The following C8orf74 variants were observed in gnomAD, a reference collection of about 807,000 sequenced individuals.
C8orf74 encodes uncharacterized protein C8orf74.
Under a neutral mutation model 22.2 loss-of-function variants are expected in C8orf74, and 29 were observed. That is an observed-to-expected ratio of 1.31 (90% CI 0.97 to 1.78). The LOEUF (loss-of-function observed/expected upper bound fraction) is 1.78. C8orf74 is among the 40% of genes most tolerant of loss of function. The pLI is 0.00. For synonymous variants in C8orf74, 255 were observed against 163.1 expected (o/e 1.56, Z -4.30); for missense variants, 515 against 369.9 (o/e 1.39, Z -3.22).
intron 2 of C8orf74, among the ~76,000 whole-genome samples, chr8:10,678,955 G>A (rs1164197709): frequency 6.6e-6 from 1 of 152,198 alleles, no homozygotes; most frequent in East Asian, 1.9e-4. Flanking sequence ...AACAAGCCCT[G>A]CAGTCCCCCA....
chr8:10,700,480 G>A lies in C8orf74; in HGVS notation c.*9G>A, dbSNP rs753584865. 1.0e-5 allele frequency: 15 copies of A among 1,505,632 alleles called. No homozygotes were observed. The East Asian group carries it at 1.7e-4, about 17-fold the overall frequency. The allele number at this position is 1,505,632 out of a possible 1,614,324, so 93.3% of individuals were successfully genotyped here. A position where few individuals can be genotyped will look rare whatever the true frequency, so the allele number is the denominator to read the frequency against. On this transcript the variant is annotated 3_prime_UTR_variant, in exon 4 of 4. Coordinates refer to ENST00000304519, the MANE Select transcript of C8orf74 (RefSeq NM_001040032.2). ...CGAAGGCAAGGAAGTAGAAGGTCCC[G>A]ACTGCCACACGAGACTGACTGGGGA... is the stretch of plus-strand genomic sequence containing the variant.
At chr8:10,686,150 C>G (rs1799258125) in intron 2 of C8orf74, among the ~76,000 whole-genome samples, 1 of 152,126 alleles carries the variant, frequency 6.6e-6, no homozygotes, top group African/African-American at 2.4e-5. Flanking sequence ...AAATTTAAAT[C>G]TAAGAATGCT....
intron 2 of C8orf74, among the ~76,000 whole-genome samples, chr8:10,685,453 A>T (rs911144520): frequency 6.6e-6 from 1 of 152,258 alleles, no homozygotes; most frequent in African/African-American, 2.4e-5. Flanking sequence ...ATGGAATATC[A>T]TTCAGCCTTA....
At chr8:10,698,838 T>A (rs1029770121) in intron 3 of C8orf74, among the ~76,000 whole-genome samples, 8 of 151,136 alleles carry the variant, frequency 5.3e-5, no homozygotes, top group Non-Finnish European at 8.8e-5. Context: ...GGATTTTGAT[T>A]TCTGAATCAT....
At chr8:10,688,453 AT>A (rs1379991130) in intron 2 of C8orf74, 1 of 152,240 alleles carries the variant, frequency 6.6e-6, no homozygotes, top group African/African-American at 2.4e-5. Flanking sequence ...GTCTGTGCTC[AT>A]ACCAGACATA....
Position 10,697,655 on chromosome 8 carries a change from G to A in C8orf74, c.298G>A (p.Gly100Ser). ...ILGNKLRDYR[G>S]HFNTTHLLAL... ...GGGGAACAAGCTTAGAGATTACCGG[G>A]GCCATTTCAACACCACCCACCTGCT... The change falls in exon 3 of 4, where the codon GGC (glycine) becomes AGC (serine). Residue 100 changes from glycine to serine, a missense_variant. By Grantham distance (56) the Gly-to-Ser change is moderately conservative. Transcript: ENST00000304519. 1 of 1,613,904 alleles carries A rather than the reference G, an allele frequency of 6.2e-7. No individual in the cohort carries two copies. Among genetic ancestry groups the A allele is most frequent in the Non-Finnish European group, 8.5e-7 (1 of 1,179,854 alleles).
chr8:10,693,526 C>A (rs1280083784), intron 2 of C8orf74, among the ~76,000 whole-genome samples: 3 of 152,186 alleles, frequency 2.0e-5, no homozygotes, highest in Non-Finnish European at 4.4e-5. Context: ...CATATTAGAG[C>A]TGGTTCACTT....
At position 10,698,053 on chromosome 8, in the gene C8orf74, A is replaced by G. The variant is rs987979367; in HGVS notation, c.648+48A>G. On this transcript the variant is annotated intron_variant, in intron 3 of 3. Coordinates refer to ENST00000304519, the MANE Select transcript of C8orf74 (RefSeq NM_001040032.2). ...TGGGTGGGCACCTGGGCCTGCAGAG[A>G]CACCAGCCAGGGCTGGAGTCACTGC... is the stretch of plus-strand genomic sequence containing the variant. 29 of 1,434,428 alleles carry G rather than the reference A, an allele frequency of 2.0e-5. No homozygotes were observed. The African/African-American group carries it at 3.7e-4, about 18-fold the overall frequency. 88.9% of individuals were successfully genotyped at this position (1,434,428 alleles called of 1,614,324 possible). A position where few individuals can be genotyped will look rare whatever the true frequency, so the allele number is the denominator to read the frequency against.
chr8:10,698,901 CCACACACACACACACACACACA>C (rs59324425), intron 3 of C8orf74, among the ~76,000 whole-genome samples: 13 of 137,522 alleles, frequency 9.5e-5, no homozygotes, highest in Non-Finnish European at 1.9e-4. Context: ...TACACACACA[CCACACACACACACACACACACA>C]CACACACACA....
intron 2 of C8orf74, among the ~76,000 whole-genome samples, chr8:10,679,172 A>G (rs2129056514): frequency 6.6e-6 from 1 of 152,206 alleles, no homozygotes; most frequent in African/African-American, 2.4e-5. Flanking sequence ...AACAGCATCC[A>G]CTTCACAGGC....
At chr8:10,698,076 T>C (rs1384534684) in intron 3 of C8orf74, 71 bp downstream of exon 3, 1 of 1,394,440 alleles carries the variant, frequency 7.2e-7, no homozygotes, top group Non-Finnish European at 9.4e-7. Flanking sequence ...CTGGAGTCAC[T>C]GCAGATGGGA....
chr8:10,688,343 G>T (rs761796926), intron 2 of C8orf74: 2 of 152,084 alleles, frequency 1.3e-5, no homozygotes, highest in African/African-American at 2.4e-5. Flanking sequence ...GAATAAAAAA[G>T]ACAAAGAAAG....
intron 2 of C8orf74, among the ~76,000 whole-genome samples, chr8:10,679,391 T>G (rs1799100382): frequency 6.6e-6 from 1 of 152,192 alleles, no homozygotes; most frequent in Non-Finnish European, 1.5e-5. Context: ...CTCGTGGAAA[T>G]CACAGCCTTT....
chr8:10,685,174 T>TG (rs200005720), intron 2 of C8orf74, among the ~76,000 whole-genome samples: 1,533 of 152,328 alleles, frequency 0.01, 14 homozygotes, highest in Non-Finnish European at 0.016. Flanking sequence ...CAGTTAAGGG[T>TG]GGACTACTGT....
intron 2 of C8orf74, among the ~76,000 whole-genome samples, chr8:10,696,218 C>T (rs750608656): frequency 1.2e-4 from 18 of 151,854 alleles, no homozygotes; most frequent in South Asian, 6.3e-4. Context: ...CTGAAAGAGT[C>T]GTGAGCAGGA....
chr8:10,676,882 C>T (rs1444156977), intron 2 of C8orf74, among the ~76,000 whole-genome samples: 1 of 152,182 alleles, frequency 6.6e-6, no homozygotes, highest in Non-Finnish European at 1.5e-5. Flanking sequence ...ATGTCAGCCG[C>T]AAGCAGGTGG....
chr8:10,681,487 G>C lies in C8orf74; in HGVS notation c.241+6649G>C, dbSNP rs187189323. On this transcript the variant is annotated intron_variant, in intron 2 of 3. Transcript: ENST00000304519. ...GCTCAGGAGAGGAGAGGGATGTGGG[G>C]GCCTTGAGGAGCCGCAGAGATTTAG... Among the ~76,000 whole-genome samples the C allele has an allele frequency of 1.6e-3, 245 of 152,212 alleles. 1 individual carries two copies. Among genetic ancestry groups the C allele is most frequent in the African/African-American group, 5.5e-3 (230 of 41,528 alleles).
At chr8:10,689,536 T>C (rs778885280) in intron 2 of C8orf74, 1 of 152,224 alleles carries the variant, frequency 6.6e-6, no homozygotes, top group African/African-American at 2.4e-5. Flanking sequence ...AACATTCATT[T>C]TGATATACAG....
intron 2 of C8orf74, among the ~76,000 whole-genome samples, chr8:10,695,486 C>A (rs1313726524): frequency 2.0e-5 from 3 of 152,212 alleles, no homozygotes; most frequent in African/African-American, 7.2e-5. Flanking sequence ...GGCGTCACTC[C>A]CAGCACATCC....
Sources: allele counts gnomAD v4.1 joint callset (sites outside exome capture counted in the v4.1 genomes callset), GRCh38; gene constraint gnomAD v4.1.1; transcripts MANE v1.5; gene names NCBI Gene and HGNC (gene_info 2026-07-23, HGNC 2026-07-21).